RBP2: variants seen among roughly 807,000 people sequenced by gnomAD.
RBP2 encodes retinol binding protein 2.
In RBP2, 17 loss-of-function variants were observed where a neutral mutation model predicts 17.0. That is an observed-to-expected ratio of 1.00 (90% CI 0.68 to 1.50). The LOEUF is 1.50. Among genes scored for constraint, RBP2 ranks in the 40% most tolerant of loss-of-function variants. The probability of loss-of-function intolerance (pLI) is 0.00; values close to 1 mark genes in which losing one functional copy is unlikely to be tolerated. For synonymous variants in RBP2, 48 were observed against 57.1 expected, an observed-to-expected ratio of 0.84 and a Z score of 0.72; for missense variants, 158 against 168.2, an observed-to-expected ratio of 0.94 and a Z score of 0.33.
intron 1 of RBP2, among the ~76,000 whole-genome samples, chr3:139,469,273 C>A (rs182924068): frequency 6.6e-6 from 1 of 152,244 alleles, no homozygotes; most frequent in African/African-American, 2.4e-5. Flanking sequence ...CTCCAGAAAA[C>A]ACATTTAGAA....
chr3:139,453,315 C>G, intron 3 of RBP2, 149 bp from the exon 4 acceptor site: 1 of 759,834 alleles, frequency 1.3e-6, no homozygotes, highest in Non-Finnish European at 2.3e-6. Context: ...ACCCAATCAG[C>G]GGGCATGCCC....
rs1370191928 is a variant in RBP2, at chr3:139,454,921, C to G, written c.253-91G>C. On this transcript the variant is annotated intron_variant, in intron 2 of 3. Transcript: ENST00000232217. ...GCAGCTGCAATTCCTGCAGCCATTT[C>G]AGGGTCTTGCTTACTCGAAGGGCAG... The G allele has an allele frequency of 7.8e-6, 10 of 1,287,402 alleles. No homozygotes were observed. The Admixed American group carries it at 1.4e-4, about 18-fold the overall frequency. The allele number at this position is 1,287,402 out of a possible 1,614,324, so 79.7% of individuals were successfully genotyped here. A position where few individuals can be genotyped will look rare whatever the true frequency, so the allele number is the denominator to read the frequency against.
At chr3:139,457,475 C>T (rs1933012755) in intron 2 of RBP2, among the ~76,000 whole-genome samples, 1 of 152,088 alleles carries the variant, frequency 6.6e-6, no homozygotes, top group African/African-American at 2.4e-5. Flanking sequence ...AGTGCATGGG[C>T]CTGTCCTAAT....
At chr3:139,463,210 G>A (rs1291423192) in intron 1 of RBP2, among the ~76,000 whole-genome samples, 2 of 151,336 alleles carry the variant, frequency 1.3e-5, no homozygotes, top group Non-Finnish European at 2.9e-5. Context: ...TTCTTGAGAT[G>A]GAGTCTCGCT....
At chr3:139,456,734 G>A (rs1344721660) in intron 2 of RBP2, among the ~76,000 whole-genome samples, 1 of 151,980 alleles carries the variant, frequency 6.6e-6, no homozygotes, top group Non-Finnish European at 1.5e-5. Context: ...TTTACTTTTT[G>A]ATTTTTTTTA....
At chr3:139,469,726 T>TATCTATC (rs1553722535) in intron 1 of RBP2, among the ~76,000 whole-genome samples, 114 of 151,084 alleles carry the variant, frequency 7.5e-4, no homozygotes, top group African/African-American at 2.8e-3. Context: ...TCTATCTATC[T>TATCTATC]ATCTATCTAC....
intron 2 of RBP2, among the ~76,000 whole-genome samples, chr3:139,455,292 G>A (rs532851993): frequency 2.6e-5 from 4 of 152,278 alleles, no homozygotes; most frequent in South Asian, 2.1e-4. Context: ...AATAGTTCAC[G>A]TTAACAAAGA....
Position 139,454,802 on chromosome 3 carries a change from A to G in RBP2, c.281T>C (p.Leu94Pro). The change falls in exon 3 of 4, where the codon CTT (leucine) becomes CCT (proline). Residue 94 changes from leucine (L) to proline (P), a missense_variant. Coordinates refer to ENST00000232217, the MANE Select transcript of RBP2 (RefSeq NM_004164.3). ...KALVTWEGDVLVCVQKGEKEN... is the reference protein window; with the variant it reads ...KALVTWEGDVPVCVQKGEKEN... ...CTTCTCCCCCTTTTGCACACACACA[A>G]GGACATCACCTTCCCAGGTGACCAG... is the stretch of plus-strand genomic sequence containing the variant. The G allele has an allele frequency of 6.2e-7, 1 of 1,614,186 alleles. No individual in the cohort carries two copies. The highest frequency in any genetic ancestry group is 1.1e-5 in the South Asian group (1 of 91,082).
intron 1 of RBP2, among the ~76,000 whole-genome samples, chr3:139,468,436 G>A (rs1033535070): frequency 1.3e-5 from 2 of 152,202 alleles, no homozygotes; most frequent in African/African-American, 4.8e-5. Flanking sequence ...TCTGACCAGT[G>A]CCGGGGGAAT....
chr3:139,470,296 C>T (rs1266748765), intron 1 of RBP2, among the ~76,000 whole-genome samples: 3 of 152,052 alleles, frequency 2.0e-5, no homozygotes, highest in South Asian at 2.1e-4. Flanking sequence ...CTATCATTTC[C>T]TCTCACTTCA....
chr3:139,461,838 C>T (rs1227606756), intron 2 of RBP2, among the ~76,000 whole-genome samples: 1 of 152,134 alleles, frequency 6.6e-6, no homozygotes, highest in Admixed American at 6.5e-5. Context: ...TCCACCTTGC[C>T]CTCTTCCCTC....
intron 1 of RBP2, among the ~76,000 whole-genome samples, chr3:139,468,610 G>T (rs768964941): frequency 2.0e-5 from 3 of 152,074 alleles, no homozygotes; most frequent in Admixed American, 2.0e-4. Flanking sequence ...GTGGACTCAT[G>T]ATATTTCTAA....
At chr3:139,458,238 G>A (rs1330824860) in intron 2 of RBP2, among the ~76,000 whole-genome samples, 1 of 151,954 alleles carries the variant, frequency 6.6e-6, no homozygotes, top group African/African-American at 2.4e-5. Flanking sequence ...AGCATTGAAG[G>A]ACAGTATTCA....
At chr3:139,467,492 A>T (rs1240710630) in intron 1 of RBP2, among the ~76,000 whole-genome samples, 1 of 152,202 alleles carries the variant, frequency 6.6e-6, no homozygotes, top group Non-Finnish European at 1.5e-5. Flanking sequence ...TAAGGGGCAG[A>T]TGCAGGTACA....
chr3:139,470,692 C>T (rs932198569), intron 1 of RBP2, among the ~76,000 whole-genome samples: 2 of 152,012 alleles, frequency 1.3e-5, no homozygotes, highest in Non-Finnish European at 2.9e-5. Flanking sequence ...GATTCTCCCC[C>T]CTCAGCCTCC....
intron 2 of RBP2, among the ~76,000 whole-genome samples, chr3:139,461,235 C>G (rs992309986): frequency 6.6e-6 from 1 of 152,196 alleles, no homozygotes; most frequent in Non-Finnish European, 1.5e-5. Flanking sequence ...CCACTTCTCC[C>G]TGCTGCCTCT....
intron 2 of RBP2, among the ~76,000 whole-genome samples, chr3:139,455,434 TG>T (rs1275023556): frequency 1.3e-5 from 2 of 152,176 alleles, no homozygotes; most frequent in Non-Finnish European, 2.9e-5. Flanking sequence ...ATTCATCATA[TG>T]GTCAAAGATC....
chr3:139,462,101 C>T lies in RBP2; in HGVS notation c.252+11G>A, dbSNP rs374510791. 1.9e-4 allele frequency: 302 copies of T among 1,611,922 alleles called. No individual in the cohort carries two copies. The highest frequency in any genetic ancestry group is 2.5e-4 in the Non-Finnish European group (295 of 1,178,330). ...AATGTGTGAATGAAAAACACCAGCC[C>T]CGGTCAGTACCTTAACATGCCGGTT... On this transcript the variant is annotated intron_variant, in intron 2 of 3. Transcript: ENST00000232217.
rs760846600 is a variant in RBP2 at position 139,462,092 on chromosome 3, A to C, written c.252+20T>G. 53 of 1,602,244 alleles carry C rather than the reference A, an allele frequency of 3.3e-5. No individual in the cohort carries two copies. Among genetic ancestry groups the C allele is most frequent in the Non-Finnish European group, 4.4e-5 (52 of 1,171,398 alleles). ...CTGGCACAGAATGTGTGAATGAAAA[A>C]CACCAGCCCCGGTCAGTACCTTAAC... is the stretch of plus-strand genomic sequence containing the variant. On this transcript the variant is annotated intron_variant, in intron 2 of 3. Coordinates refer to ENST00000232217, the MANE Select transcript of RBP2 (RefSeq NM_004164.3).
Sources: gnomAD v4.1 joint callset for allele counts (sites outside exome capture counted in the v4.1 genomes callset) on GRCh38, gnomAD v4.1.1 for gene constraint, MANE v1.5 for transcripts, NCBI Gene and HGNC (gene_info 2026-07-23, HGNC 2026-07-21) for gene names.